TRAPPC9: variants seen among roughly 807,000 people sequenced by gnomAD.
TRAPPC9 encodes the protein IKK2 binding protein.
A neutral mutation model predicts 124.0 loss-of-function variants in TRAPPC9; 83 were observed. The observed-to-expected ratio is 0.67, with a 90% CI of 0.56 to 0.80. TRAPPC9 has a LOEUF of 0.80. Among genes scored for constraint, TRAPPC9 ranks in the 30% least tolerant of loss-of-function variants. TRAPPC9 has a pLI of 0.00. For missense variants in TRAPPC9, 1,302 were observed against 1,508.3 expected (o/e 0.86, Z 2.27); for synonymous variants, 638 against 617.5 (o/e 1.03, Z -0.49).
At chr8:139,835,452 T>C (rs1826270132) in intron 21 of TRAPPC9, among the ~76,000 whole-genome samples, 1 of 152,262 alleles carries the variant, frequency 6.6e-6, no homozygotes, top group African/African-American at 2.4e-5. Context: ...GTCACTGTGA[T>C]GGCGCGCACG....
intron 20 of TRAPPC9, among the ~76,000 whole-genome samples, chr8:139,900,103 C>T (rs1167969801): frequency 2.0e-5 from 3 of 152,180 alleles, no homozygotes; most frequent in Non-Finnish European, 4.4e-5. Context: ...CGACCCACTG[C>T]TTTTAGGACA....
At chr8:139,764,652 C>T (rs887325195) in intron 21 of TRAPPC9, among the ~76,000 whole-genome samples, 6 of 152,154 alleles carry the variant, frequency 3.9e-5, no homozygotes, top group Non-Finnish European at 8.8e-5. Context: ...CAAGGACACA[C>T]CAGGCTCCAC....
chr8:139,779,047 C>T (rs1168670851), intron 21 of TRAPPC9, among the ~76,000 whole-genome samples: 1 of 151,886 alleles, frequency 6.6e-6, no homozygotes, highest in Non-Finnish European at 1.5e-5. Flanking sequence ...ACTACTTTTG[C>T]ACCAACCTAA....
intron 21 of TRAPPC9, among the ~76,000 whole-genome samples, chr8:139,866,385 G>A (rs79277177): frequency 0.042 from 6,468 of 152,242 alleles, 346 homozygotes; most frequent in African/African-American, 0.13. Context: ...GATGCACCCC[G>A]TGTGAGATAC....
chr8:140,127,393 G>A lies in TRAPPC9; in HGVS notation c.2556+94066C>T, dbSNP rs566468096. Among the ~76,000 whole-genome samples, 28 of 152,308 alleles carry A rather than the reference G, an allele frequency of 1.8e-4. No individual in the cohort carries two copies. In the South Asian group the frequency reaches 5.8e-3, roughly 32 times the overall value. On this transcript the variant is annotated intron_variant, in intron 17 of 22. Coordinates refer to ENST00000438773, the MANE Select transcript of TRAPPC9 (RefSeq NM_001160372.4). ...AGAAACAGAATTAAATTTATTTTTG[G>A]TGATTTTAATCATACATCATACCCT...
At chr8:140,238,044 T>C (rs984823359) in intron 16 of TRAPPC9, among the ~76,000 whole-genome samples, 7 of 152,186 alleles carry the variant, frequency 4.6e-5, no homozygotes, top group Non-Finnish European at 1.0e-4. Flanking sequence ...CTTTCCTCTT[T>C]GGACAAAAAT....
chr8:140,124,993 G>A (rs1220820178), intron 17 of TRAPPC9, among the ~76,000 whole-genome samples: 1 of 152,190 alleles, frequency 6.6e-6, no homozygotes, highest in Non-Finnish European at 1.5e-5. Flanking sequence ...AAAATTGCAG[G>A]GTGTCACTGT....
chr8:140,420,016 T>G (rs1188422413), intron 5 of TRAPPC9, among the ~76,000 whole-genome samples: 1 of 151,942 alleles, frequency 6.6e-6, no homozygotes, highest in Non-Finnish European at 1.5e-5. Flanking sequence ...TTGAAGGATA[T>G]AAAACCAATA....
intron 17 of TRAPPC9, among the ~76,000 whole-genome samples, chr8:140,136,707 G>A (rs956949515): frequency 3.3e-5 from 5 of 152,154 alleles, no homozygotes; most frequent in Admixed American, 2.6e-4. Context: ...GCGTGATCGT[G>A]AGTGCCTGTA....
chr8:140,120,746 C>CCATT (rs1022522827), intron 17 of TRAPPC9, among the ~76,000 whole-genome samples: 2 of 150,930 alleles, frequency 1.3e-5, no homozygotes, highest in Non-Finnish European at 1.5e-5. Context: ...ATCCATCCAT[C>CCATT]CATTCATTCA....
intron 18 of TRAPPC9, among the ~76,000 whole-genome samples, chr8:140,012,846 CT>C (rs1457061321): frequency 2.6e-5 from 4 of 152,220 alleles, no homozygotes; most frequent in Non-Finnish European, 4.4e-5. Context: ...GATTGAGGGA[CT>C]ACCTCACCTT....
chr8:139,996,192 G>GAAAAAAAAAAAAAAAAAAAAAAAAAAAAA (rs1837982544), intron 18 of TRAPPC9, among the ~76,000 whole-genome samples: 1 of 74,158 alleles, frequency 1.3e-5, no homozygotes, highest in Admixed American at 1.4e-4. Context: ...AGAAAGGAAA[G>GAAAAAAAAAAAAAAAAAAAAAAAAAAAAA]AAAAAAAGAA....
chr8:140,359,431 A>G (rs956646347), intron 9 of TRAPPC9, among the ~76,000 whole-genome samples: 4 of 152,198 alleles, frequency 2.6e-5, no homozygotes, highest in African/African-American at 9.7e-5. Context: ...GCAGTGTAAG[A>G]AGAGAAGATG....
At chr8:140,306,378 C>T (rs2066135890) in intron 10 of TRAPPC9, among the ~76,000 whole-genome samples, 2 of 151,508 alleles carry the variant, frequency 1.3e-5, no homozygotes, top group East Asian at 3.9e-4. Context: ...CCTGTAGTCC[C>T]AGCTACTCGG....
At chr8:140,039,660 T>C (rs185059203) in intron 17 of TRAPPC9, 248 of 152,358 alleles carry the variant, frequency 1.6e-3, no homozygotes, top group African/African-American at 5.3e-3. Context: ...GATGTATGAA[T>C]GTCTGTGGAA....
intron 21 of TRAPPC9, among the ~76,000 whole-genome samples, chr8:139,745,688 T>C (rs1172517228): frequency 1.3e-5 from 2 of 152,186 alleles, no homozygotes; most frequent in African/African-American, 4.8e-5. Context: ...GGAGCCTCCC[T>C]TGGGGACAAA....
intron 21 of TRAPPC9, among the ~76,000 whole-genome samples, chr8:139,766,639 A>G (rs1354361906): frequency 6.6e-6 from 1 of 152,122 alleles, no homozygotes; most frequent in African/African-American, 2.4e-5. Flanking sequence ...TAACGACCTA[A>G]CCGGCATCAC....
chr8:140,085,338 T>TTA (rs1554620920), intron 17 of TRAPPC9, among the ~76,000 whole-genome samples: 4 of 143,258 alleles, frequency 2.8e-5, no homozygotes, highest in Non-Finnish European at 6.1e-5. Flanking sequence ...TCTTACTGTT[T>TTA]AAAAAAAAAA....
intron 7 of TRAPPC9, among the ~76,000 whole-genome samples, chr8:140,371,630 C>A (rs2068283776): frequency 1.3e-5 from 2 of 152,076 alleles, no homozygotes; most frequent in Admixed American, 6.5e-5. Flanking sequence ...TCAGGGTTTA[C>A]AAAAGTTTTC....
Sources: allele counts gnomAD v4.1 joint callset (sites outside exome capture counted in the v4.1 genomes callset), GRCh38; gene constraint gnomAD v4.1.1; transcripts MANE v1.5; gene names NCBI Gene and HGNC (gene_info 2026-07-23, HGNC 2026-07-21).